Variants in PHACTR2 observed in about 807,000 individuals in gnomAD.
PHACTR2 encodes the protein phosphatase and actin regulator 2, also known as chromosome 6 open reading frame 56.
Under a neutral mutation model 76.0 loss-of-function variants are expected in PHACTR2, and 30 were observed. That is an observed-to-expected ratio of 0.39 (90% CI 0.30 to 0.54). The LOEUF (loss-of-function observed/expected upper bound fraction) is 0.54. Among genes scored for constraint, PHACTR2 ranks in the 20% least tolerant of loss-of-function variants. PHACTR2 has a pLI of 0.61. For missense variants in PHACTR2, 696 were observed against 781.1 expected, an observed-to-expected ratio of 0.89 and a Z score of 1.30; for synonymous variants, 292 against 292.5, an observed-to-expected ratio of 1.00 and a Z score of 0.02.
intron 1 of PHACTR2, among the ~76,000 whole-genome samples, chr6:143,575,869 A>G (rs1054760610): frequency 1.7e-5 from 2 of 119,268 alleles, no homozygotes; most frequent in African/African-American, 6.2e-5. Flanking sequence ...CTAAGTGGAC[A>G]TTTGTTTTCA....
intron 2 of PHACTR2, among the ~76,000 whole-genome samples, chr6:143,748,742 C>G (rs1363563758): frequency 6.6e-6 from 1 of 152,180 alleles, no homozygotes; most frequent in Non-Finnish European, 1.5e-5. Context: ...GGACGCCAGG[C>G]CAAAGGTGGC....
rs1044205300 is a variant in PHACTR2, at chr6:143,783,655, A to G, written c.1707+375A>G. On this transcript the variant is annotated intron_variant, in intron 10 of 12. Coordinates refer to ENST00000440869, the MANE Select transcript of PHACTR2 (RefSeq NM_001100164.2). This position sits in a 1 kb window ranked among gnomAD's most constrained non-coding sequence, Gnocchi z 5.2. Reference sequence around the variant, plus strand: ...ATAAAATAAAATAAAACAAATCAATATAATGCACATGCTATGAGTGATGTT... The same window carrying G: ...ATAAAATAAAATAAAACAAATCAATGTAATGCACATGCTATGAGTGATGTT... Among the ~76,000 whole-genome samples, 1 of 152,188 alleles carries G rather than the reference A, an allele frequency of 6.6e-6. No homozygotes were observed. The highest frequency in any genetic ancestry group is 2.4e-5 in the African/African-American group (1 of 41,448).
At position 143,679,767 on chromosome 6, in the gene PHACTR2, C is replaced by CAA. The variant is rs11414176; in HGVS notation, c.46+1564_46+1565dup. Among the ~76,000 whole-genome samples the CAA allele has an allele frequency of 1.1e-4, 17 of 151,758 alleles. No homozygotes were observed. The highest frequency in any genetic ancestry group is 1.9e-4 in the East Asian group (1 of 5,182). On this transcript the variant is annotated intron_variant, in intron 1 of 12. Transcript: ENST00000440869. This position sits in a 1 kb window ranked among gnomAD's most constrained non-coding sequence, Gnocchi z 4.6. ...TGAGACTCCCTACGTCTTAGTACAGCAAAAAAACCCGGATTGCTATAATTC... is the reference window on the plus strand; with the variant it reads ...TGAGACTCCCTACGTCTTAGTACAGCAAAAAAAAACCCGGATTGCTATAATTC...
rs369679661 is a variant in PHACTR2 at position 143,553,960 on chromosome 6, A to C, written c.217+16753A>C. On this transcript the variant is annotated intron_variant, in intron 1 of 11. Coordinates refer to the PHACTR2 transcript ENST00000367584. The surrounding 1 kb of genome is among the most constrained non-coding windows in gnomAD (Gnocchi z 4.2). ...CAGGCAGAGAGAAGAGCAAGGGCAAAGGCCCCAAGGAACAGAAAAGAATCC... is the reference window on the plus strand; with the variant it reads ...CAGGCAGAGAGAAGAGCAAGGGCAACGGCCCCAAGGAACAGAAAAGAATCC... 6.6e-6 allele frequency among the ~76,000 whole-genome samples: 1 copy of C among 152,128 alleles called. No homozygotes were observed. The highest frequency in any genetic ancestry group is 1.9e-4 in the East Asian group (1 of 5,182).
Position 143,610,568 on chromosome 6 carries a change from C to G in PHACTR2, c.13+2246C>G, listed in dbSNP as rs74763802. On this transcript the variant is annotated intron_variant, in intron 1 of 11. Transcript: ENST00000305766. This position sits in a 1 kb window ranked among gnomAD's most constrained non-coding sequence, Gnocchi z 4.9. ...ATGGGTCCACACAGGTTGAATGTCC[C>G]TCATTTATTCAAGTCACATAGAACG... 6.1e-3 allele frequency among the ~76,000 whole-genome samples: 932 copies of G among 152,278 alleles called. 9 individuals carry two copies. Among genetic ancestry groups the G allele is most frequent in the African/African-American group, 0.022 (903 of 41,542 alleles).
rs1031439861 is a variant in PHACTR2 at position 143,539,801 on chromosome 6, T to A, written c.217+2594T>A. On this transcript the variant is annotated intron_variant, in intron 1 of 11. Coordinates refer to the PHACTR2 transcript ENST00000367584. The surrounding 1 kb of genome is among the most constrained non-coding windows in gnomAD (Gnocchi z 4.3). ...AATAAGATCCCCAGGTTGTTCTTAG[T>A]CACCTTGCAGTTTGAAAAGTGCTGC... Among the ~76,000 whole-genome samples the A allele has an allele frequency of 2.0e-5, 3 of 152,188 alleles. No individual in the cohort carries two copies. Among genetic ancestry groups the A allele is most frequent in the Admixed American group, 6.5e-5 (1 of 15,278 alleles).
chr6:143,680,070 G>C lies in PHACTR2; in HGVS notation c.46+1861G>C, dbSNP rs1333081953. 1.3e-5 allele frequency among the ~76,000 whole-genome samples: 2 copies of C among 151,610 alleles called. No homozygotes were observed. Among genetic ancestry groups the C allele is most frequent in the Non-Finnish European group, 2.9e-5 (2 of 67,926 alleles). On this transcript the variant is annotated intron_variant, in intron 1 of 12. Coordinates refer to ENST00000440869, the MANE Select transcript of PHACTR2 (RefSeq NM_001100164.2). The surrounding 1 kb of genome is among the most constrained non-coding windows in gnomAD (Gnocchi z 4.5). ...GGTATTGTAAAAGAACAGTTTTCTC[G>C]TGGTATCCAGTGTCTCTAAATCCGT...
Position 143,824,680 on chromosome 6 carries a change from C to G in PHACTR2, c.*991C>G, listed in dbSNP as rs1355045227. The stretch of plus-strand genomic sequence containing the variant: ...CTTGAATCCAAAGTCAAAACTTAAG[C>G]AAGATACAAATGTGCTGCCTGCAGT... On this transcript the variant is annotated 3_prime_UTR_variant, in exon 13 of 13. Coordinates refer to ENST00000440869, the MANE Select transcript of PHACTR2 (RefSeq NM_001100164.2). This position sits in a 1 kb window ranked among gnomAD's most constrained non-coding sequence, Gnocchi z 6.3. 1 of 152,240 alleles carries G rather than the reference C, an allele frequency of 6.6e-6. No homozygotes were observed. Among genetic ancestry groups the G allele is most frequent in the Non-Finnish European group, 1.5e-5 (1 of 67,960 alleles). 9.4% of individuals were successfully genotyped at this position (152,240 alleles called of 1,614,324 possible).
chr6:143,560,117 CAG>C (rs1237309880), intron 1 of PHACTR2, among the ~76,000 whole-genome samples: 1 of 152,114 alleles, frequency 6.6e-6, no homozygotes, highest in Non-Finnish European at 1.5e-5. Context: ...TTCGGGAAAA[CAG>C]AAAGTTGGTG....
In PHACTR2 at chr6:143,585,794, T is replaced by C. The variant is rs776410640; in HGVS notation, c.217+48587T>C. Among the ~76,000 whole-genome samples the C allele has an allele frequency of 1.3e-5, 2 of 152,252 alleles. No individual in the cohort carries two copies. The highest frequency in any genetic ancestry group is 2.9e-5 in the Non-Finnish European group (2 of 68,048). On this transcript the variant is annotated intron_variant, in intron 1 of 11. Coordinates refer to the PHACTR2 transcript ENST00000367584. The surrounding 1 kb of genome is among the most constrained non-coding windows in gnomAD (Gnocchi z 5.2). ...AGAATAAGACTTCTTAGGTAATTTC[T>C]GTTTCAAATTAGATTTGGCTAGGGA...
At position 143,711,923 on chromosome 6, in the gene PHACTR2, G is replaced by T. The variant is rs1344627272; in HGVS notation, c.47-93G>T. The T allele has an allele frequency of 2.8e-6, 3 of 1,065,670 alleles. No individual in the cohort carries two copies. The East Asian group carries it at 7.1e-5, about 25-fold the overall frequency. 66.0% of individuals were successfully genotyped at this position (1,065,670 alleles called of 1,614,324 possible). A position where few individuals can be genotyped will look rare whatever the true frequency, so the allele number is the denominator to read the frequency against. The stretch of plus-strand genomic sequence containing the variant: ...GTGAGATTCCAATTAGAGTGGACGT[G>T]CTTACCGTTAACAGCCCAGGGACCA... On this transcript the variant is annotated intron_variant, in intron 1 of 12. Transcript: ENST00000440869.
chr6:143,678,241 C>T lies in PHACTR2; in HGVS notation c.46+32C>T. On this transcript the variant is annotated intron_variant, in intron 1 of 12. Coordinates refer to ENST00000440869, the MANE Select transcript of PHACTR2 (RefSeq NM_001100164.2). This position sits in a 1 kb window ranked among gnomAD's most constrained non-coding sequence, Gnocchi z 6.2. ...CCGGGGCGCACGCGATGCGCTCCCG[C>T]CGCGCGGGCGCAGGGCTGGCGGCGG... 2 of 1,461,192 alleles carry T rather than the reference C, an allele frequency of 1.4e-6. No individual in the cohort carries two copies. Among genetic ancestry groups the T allele is most frequent in the Admixed American group, 5.4e-5 (2 of 36,724 alleles). 90.5% of individuals were successfully genotyped at this position (1,461,192 alleles called of 1,614,324 possible). A position where few individuals can be genotyped will look rare whatever the true frequency, so the allele number is the denominator to read the frequency against.
chr6:143,790,821 C>G (rs544868065), intron 11 of PHACTR2, among the ~76,000 whole-genome samples: 1 of 151,952 alleles, frequency 6.6e-6, no homozygotes, highest in Non-Finnish European at 1.5e-5. Context: ...CTACAGGCGC[C>G]CGCCACCACG....
Position 143,589,276 on chromosome 6 carries a change from G to C in PHACTR2, c.217+52069G>C, listed in dbSNP as rs1775661756. On this transcript the variant is annotated intron_variant, in intron 1 of 11. Transcript: ENST00000367584. This position sits in a 1 kb window ranked among gnomAD's most constrained non-coding sequence, Gnocchi z 4.4. The stretch of plus-strand genomic sequence containing the variant: ...CTGGTGGGAGGTGATTGGATCATGG[G>C]GGTGGATTTCCCCCTTGCTGTTGTC... 6.6e-6 allele frequency among the ~76,000 whole-genome samples: 1 copy of C among 152,084 alleles called. No homozygotes were observed. Among genetic ancestry groups the C allele is most frequent in the Non-Finnish European group, 1.5e-5 (1 of 68,018 alleles).
chr6:143,757,898 A>C lies in PHACTR2; in HGVS notation c.455-2503A>C, dbSNP rs1016434155. On this transcript the variant is annotated intron_variant, in intron 4 of 12. Transcript: ENST00000440869. This position sits in a 1 kb window ranked among gnomAD's most constrained non-coding sequence, Gnocchi z 4.2. ...TTCAGACAAAAGGAGTTTATAATTC[A>C]GTCAAAAAATTATACTATTTGCATA... is the stretch of plus-strand genomic sequence containing the variant. Among the ~76,000 whole-genome samples, 2 of 152,190 alleles carry C rather than the reference A, an allele frequency of 1.3e-5. No individual in the cohort carries two copies. Among genetic ancestry groups the C allele is most frequent in the African/African-American group, 4.8e-5 (2 of 41,448 alleles).
rs949857908 is a variant in PHACTR2, at chr6:143,757,938, C to T, written c.455-2463C>T. ...CTATTTGCATACTCATATGTCCCTG[C>T]GTGTGTGTGCATGCACACGTGCGCG... is the stretch of plus-strand genomic sequence containing the variant. On this transcript the variant is annotated intron_variant, in intron 4 of 12. Transcript: ENST00000440869. The surrounding 1 kb of genome is among the most constrained non-coding windows in gnomAD (Gnocchi z 4.2). Among the ~76,000 whole-genome samples, 4 of 144,742 alleles carry T rather than the reference C, an allele frequency of 2.8e-5. No individual in the cohort carries two copies. The highest frequency in any genetic ancestry group is 4.6e-4 in the South Asian group (2 of 4,384). 95.0% of individuals were successfully genotyped at this position (144,742 alleles called of 152,430 possible).
At chr6:143,567,733 A>C (rs756785402) in intron 1 of PHACTR2, among the ~76,000 whole-genome samples, 2 of 151,326 alleles carry the variant, frequency 1.3e-5, no homozygotes, top group Non-Finnish European at 2.9e-5. Context: ...ATCAGCTAGA[A>C]CCTTCCCTAC....
In PHACTR2 at chr6:143,547,960, T is replaced by C. The variant is rs138198020; in HGVS notation, c.217+10753T>C. 3.7e-3 allele frequency among the ~76,000 whole-genome samples: 564 copies of C among 152,310 alleles called. 5 individuals are homozygous for C. Among genetic ancestry groups the C allele is most frequent in the African/African-American group, 0.013 (547 of 41,564 alleles). On this transcript the variant is annotated intron_variant, in intron 1 of 11. Coordinates refer to the PHACTR2 transcript ENST00000367584. This position sits in a 1 kb window ranked among gnomAD's most constrained non-coding sequence, Gnocchi z 4.2. Reference sequence around the variant, plus strand: ...CATCCATCATCTATTAATCTATCTATCTTCATCATCATCATCATGTGTATC... The same window carrying C: ...CATCCATCATCTATTAATCTATCTACCTTCATCATCATCATCATGTGTATC...
At chr6:143,734,385 T>C (rs184834441) in intron 2 of PHACTR2, among the ~76,000 whole-genome samples, 90 of 152,308 alleles carry the variant, frequency 5.9e-4, no homozygotes, top group African/African-American at 2.0e-3. Context: ...TGGGATATTG[T>C]GTTTAATCCA....
Sources: allele counts gnomAD v4.1 joint callset (sites outside exome capture counted in the v4.1 genomes callset), GRCh38; gene constraint gnomAD v4.1.1; non-coding constraint Gnocchi (gnomAD v3.1); transcripts MANE v1.5; gene names NCBI Gene and HGNC (gene_info 2026-07-23, HGNC 2026-07-21).